The following RASSF3 variants were observed in gnomAD, a reference collection of about 807,000 sequenced individuals.
RASSF3 encodes Ras association domain family member 3, also known as ras association domain-containing protein 3.
RASSF3 carries 19 observed loss-of-function variants against 19.9 expected under a neutral mutation model. That is an observed-to-expected ratio of 0.96 (90% CI 0.67 to 1.40). The LOEUF (loss-of-function observed/expected upper bound fraction) is 1.40, where lower values mean the gene tolerates loss of function less well. RASSF3 is among the 40% of genes most tolerant of loss of function. RASSF3 has a pLI of 0.00. For synonymous variants in RASSF3, 110 were observed against 104.2 expected (o/e 1.06, Z -0.34); for missense variants, 306 against 289.8 (o/e 1.06, Z -0.41).
In RASSF3 at chr12:64,584,942, G is replaced by A. The variant is rs146359399; in HGVS notation, c.294+43237G>A. 1.1e-4 allele frequency among the ~76,000 whole-genome samples: 15 copies of A among 137,262 alleles called. No individual in the cohort carries two copies. In the East Asian group the frequency reaches 2.4e-3, roughly 22 times the overall value. The allele number at this position is 137,262 out of a possible 152,430, so 90.0% of individuals were successfully genotyped here. A position where few individuals can be genotyped will look rare whatever the true frequency, so the allele number is the denominator to read the frequency against. On this transcript the variant is annotated intron_variant, in intron 2 of 5. Coordinates refer to the RASSF3 transcript ENST00000637125. ...TGCTCTGTCACCAAGCTGGAGTGCC[G>A]TGGCATGATCTTGGCTCACTGCAAC... is the stretch of plus-strand genomic sequence containing the variant.
intron 1 of RASSF3, among the ~76,000 whole-genome samples, chr12:64,617,447 A>G (rs1267244774): frequency 2.0e-5 from 3 of 152,326 alleles, no homozygotes; most frequent in Middle Eastern, 6.8e-3. Context: ...GCAAATGAAA[A>G]TATCTCTCTA....
intron 1 of RASSF3, among the ~76,000 whole-genome samples, chr12:64,647,086 A>G (rs575632065): frequency 1.9e-4 from 29 of 152,250 alleles, no homozygotes; most frequent in African/African-American, 3.1e-4. Flanking sequence ...CCCCTTTCTT[A>G]TGATTATTAA....
chr12:64,530,261 A>G (rs1490555070), upstream of RASSF3, among the ~76,000 whole-genome samples: 3 of 151,896 alleles, frequency 2.0e-5, no homozygotes, highest in Non-Finnish European at 4.4e-5. Flanking sequence ...TTGCATGTGC[A>G]TCAATAATTC....
At chr12:64,562,023 T>TTATTTTTGTTTG (rs141301351) in intron 2 of RASSF3, among the ~76,000 whole-genome samples, 7 of 139,870 alleles carry the variant, frequency 5.0e-5, no homozygotes, top group East Asian at 2.1e-4. Context: ...ATTTATTTAT[T>TTATTTTTGTTTG]TTTGTTTGTT....
chr12:64,516,228 G>A (rs1357787767), intron 1 of RASSF3, among the ~76,000 whole-genome samples: 3 of 152,080 alleles, frequency 2.0e-5, no homozygotes, highest in African/African-American at 7.2e-5. Flanking sequence ...GAATAAGCAA[G>A]AATTTCCACT....
At chr12:64,596,251 G>A (rs547260098) in intron 2 of RASSF3, among the ~76,000 whole-genome samples, 1 of 152,170 alleles carries the variant, frequency 6.6e-6, no homozygotes, top group Non-Finnish European at 1.5e-5. Flanking sequence ...GAAGGCTCTC[G>A]TGTATACACG....
At chr12:64,676,166 ATTTTTTTTTTTT>A (rs35376691) in intron 1 of RASSF3, among the ~76,000 whole-genome samples, 1 of 106,404 alleles carries the variant, frequency 9.4e-6, no homozygotes, top group African/African-American at 3.6e-5. Context: ...CAGGAGTAGA[ATTTTTTTTTTTT>A]TTTTTTTTTT....
chr12:64,567,651 G>A (rs1869452095), intron 2 of RASSF3, among the ~76,000 whole-genome samples: 2 of 152,226 alleles, frequency 1.3e-5, no homozygotes, highest in South Asian at 2.1e-4. Context: ...AGGATTTTGG[G>A]ATTCCCTACG....
intron 2 of RASSF3, among the ~76,000 whole-genome samples, chr12:64,570,100 C>T (rs146236912): frequency 1.2e-3 from 189 of 152,298 alleles, no homozygotes; most frequent in Non-Finnish European, 1.7e-3. Context: ...CTCTACCTTC[C>T]GCCTTGGCTG....
upstream of RASSF3, among the ~76,000 whole-genome samples, chr12:64,607,960 G>C (rs1279141227): frequency 6.6e-6 from 1 of 151,674 alleles, no homozygotes; most frequent in Non-Finnish European, 1.5e-5. Flanking sequence ...GTAGAGACAG[G>C]GTCTCATTTT....
intron 1 of RASSF3, among the ~76,000 whole-genome samples, chr12:64,520,555 CATATATATATATATATATATAT>C (rs66975333): frequency 6.1e-4 from 53 of 86,352 alleles, no homozygotes; most frequent in South Asian, 3.7e-3. Flanking sequence ...CACATACACA[CATATATATATATATATATATAT>C]ATATATATAT....
chr12:64,526,151 TATCTAC>T (rs1432299091), intron 1 of RASSF3, among the ~76,000 whole-genome samples: 1 of 152,244 alleles, frequency 6.6e-6, no homozygotes, highest in Non-Finnish European at 1.5e-5. Flanking sequence ...AGGGACTATG[TATCTAC>T]ATTTTTATTT....
rs1295689516 is a variant in RASSF3 at position 64,587,098 on chromosome 12, G to A, written c.294+45393G>A. ...GACGGAGTTTCGCTCTTGTTGCCCA[G>A]GCTGGAGTGCAATGGTGCGATCTTG... On this transcript the variant is annotated intron_variant, in intron 2 of 5. Transcript: ENST00000637125. Among the ~76,000 whole-genome samples, 3 of 106,606 alleles carry A rather than the reference G, an allele frequency of 2.8e-5. No homozygotes were observed. In the East Asian group the frequency reaches 7.7e-4, roughly 27 times the overall value. 69.9% of individuals were successfully genotyped at this position (106,606 alleles called of 152,430 possible). A position where few individuals can be genotyped will look rare whatever the true frequency, so the allele number is the denominator to read the frequency against.
rs1296269977 is a variant in RASSF3 at position 64,518,826 on chromosome 12, G to C, written c.169+11497G>C. ...ATATCTACCTGCTCTTGTTATCTCT[G>C]TCTCATTTGCATACCTCCTAAATTC... On this transcript the variant is annotated intron_variant, in intron 1 of 5. Coordinates refer to the RASSF3 transcript ENST00000637125. 2.0e-5 allele frequency among the ~76,000 whole-genome samples: 3 copies of C among 152,170 alleles called. No homozygotes were observed. In the East Asian group the frequency reaches 5.8e-4, roughly 29 times the overall value.
At chr12:64,691,447 A>C in intron 3 of RASSF3, 23 bp from the exon 4 acceptor site, 3 of 1,500,624 alleles carry the variant, frequency 2.0e-6, no homozygotes, top group Non-Finnish European at 2.8e-6. Context: ...ACTCTGTAAC[A>C]TGCTGCTTGT....
At chr12:64,656,532 C>T (rs1216011877) in intron 1 of RASSF3, among the ~76,000 whole-genome samples, 3 of 152,108 alleles carry the variant, frequency 2.0e-5, no homozygotes, top group Admixed American at 1.3e-4. Flanking sequence ...TTCTGTTCTC[C>T]AGATCTCCCA....
chr12:64,511,910 C>T (rs1455143061), intron 1 of RASSF3, among the ~76,000 whole-genome samples: 2 of 152,196 alleles, frequency 1.3e-5, no homozygotes, highest in Admixed American at 1.3e-4. Flanking sequence ...TTCTCCCTTT[C>T]ACCCCTTCCT....
chr12:64,629,355 G>T (rs556351299), intron 1 of RASSF3, among the ~76,000 whole-genome samples: 1 of 151,752 alleles, frequency 6.6e-6, no homozygotes, highest in Non-Finnish European at 1.5e-5. Flanking sequence ...CCGTCTGTCT[G>T]CCTTGACCTC....
At chr12:64,659,398 A>G (rs576385796) in intron 1 of RASSF3, among the ~76,000 whole-genome samples, 15 of 152,198 alleles carry the variant, frequency 9.9e-5, no homozygotes, top group Non-Finnish European at 2.1e-4. Context: ...ACCGACAAAC[A>G]TGGAAGAACA....
Sources: gnomAD v4.1 joint callset for allele counts (sites outside exome capture counted in the v4.1 genomes callset) on GRCh38, gnomAD v4.1.1 for gene constraint, MANE v1.5 for transcripts, NCBI Gene and HGNC (gene_info 2026-07-23, HGNC 2026-07-21) for gene names.